Variants in RAI1 observed in about 807,000 individuals in gnomAD.
RAI1 encodes the protein retinoic acid induced 1.
Under a neutral mutation model 123.8 loss-of-function variants are expected in RAI1, and 9 were observed. The ratio of observed to expected loss-of-function variants is 0.07; its 90% CI spans 0.04 to 0.13. RAI1 has a LOEUF of 0.13. Ranked by LOEUF, RAI1 falls within the 10% of genes least tolerant of loss-of-function variation. The pLI is 1.00. For missense variants in RAI1, 2,256 were observed against 2,545.8 expected (o/e 0.89, Z 2.45); for synonymous variants, 1,231 against 1,127.3 (o/e 1.09, Z -1.84).
chr17:17,757,400 A>G (rs1307869304), intron 2 of RAI1, among the ~76,000 whole-genome samples: 1 of 152,072 alleles, frequency 6.6e-6, no homozygotes, highest in Non-Finnish European at 1.5e-5. Context: ...GAGGGCAGCA[A>G]CCCTTCTACA....
chr17:17,760,787 G>A (rs1303607646), intron 2 of RAI1, among the ~76,000 whole-genome samples: 3 of 152,102 alleles, frequency 2.0e-5, no homozygotes, highest in African/African-American at 7.2e-5. Flanking sequence ...CTCCTGCTTG[G>A]TCCTAGCTGC....
At chr17:17,789,231 C>T (rs1387723413) in intron 2 of RAI1, among the ~76,000 whole-genome samples, 1 of 152,266 alleles carries the variant, frequency 6.6e-6, no homozygotes, top group Non-Finnish European at 1.5e-5. Context: ...TGCATAGGAG[C>T]TTCCCTGCGG....
At chr17:17,699,616 A>C in intron 1 of RAI1, among the ~76,000 whole-genome samples, 1 of 87,820 alleles carries the variant, frequency 1.1e-5, no homozygotes. Flanking sequence ...AAGCCCATCC[A>C]TTGTCGGGGG....
intron 2 of RAI1, among the ~76,000 whole-genome samples, chr17:17,747,643 C>T (rs545282752): frequency 6.6e-5 from 10 of 152,160 alleles, no homozygotes; most frequent in South Asian, 4.2e-4. Flanking sequence ...TGGGGAGTGC[C>T]GACTGATTGG....
intron 1 of RAI1, among the ~76,000 whole-genome samples, chr17:17,722,737 C>A (rs781133325): frequency 6.6e-6 from 1 of 152,230 alleles, no homozygotes; most frequent in African/African-American, 2.4e-5. Context: ...TCCCCCAAAC[C>A]CTGTGCTTCT....
chr17:17,685,539 G>A lies in RAI1; in HGVS notation c.-149+3746G>A, dbSNP rs1272585112. ...TTGGAAGCTGGAAGGGATGTGGCCT[G>A]TGTGCTGTAGCCAAACAAGAGGGGA... On this transcript the variant is annotated intron_variant, in intron 1 of 5. Transcript: ENST00000353383. The surrounding 1 kb of genome is among the most constrained non-coding windows in gnomAD (Gnocchi z 4.0). 6.6e-6 allele frequency among the ~76,000 whole-genome samples: 1 copy of A among 152,230 alleles called. No homozygotes were observed. Among genetic ancestry groups the A allele is most frequent in the Non-Finnish European group, 1.5e-5 (1 of 68,038 alleles).
intron 2 of RAI1, chr17:17,777,089 C>G (rs2031373041): frequency 6.6e-6 from 1 of 152,160 alleles, no homozygotes; most frequent in African/African-American, 2.4e-5. Context: ...TCCCTCATCC[C>G]CCTTGGATGG....
intron 2 of RAI1, among the ~76,000 whole-genome samples, chr17:17,774,254 T>C (rs1328128191): frequency 6.6e-6 from 1 of 152,204 alleles, no homozygotes; most frequent in African/African-American, 2.4e-5. Context: ...TATCCCTATT[T>C]TATGGGTGAG....
At chr17:17,722,658 G>C (rs1915923016) in intron 1 of RAI1, among the ~76,000 whole-genome samples, 1 of 152,200 alleles carries the variant, frequency 6.6e-6, no homozygotes, top group South Asian at 2.1e-4. Flanking sequence ...TCTGTGCTGC[G>C]CCAGAATCAT....
At chr17:17,707,316 T>C (rs1230894474) in intron 1 of RAI1, among the ~76,000 whole-genome samples, 1 of 151,802 alleles carries the variant, frequency 6.6e-6, no homozygotes, top group Non-Finnish European at 1.5e-5. Context: ...AAGATAGATG[T>C]AGTGAGAAAA....
intron 4 of RAI1, among the ~76,000 whole-genome samples, chr17:17,808,727 A>G (rs1487269706): frequency 1.3e-5 from 2 of 152,170 alleles, no homozygotes; most frequent in Admixed American, 6.5e-5. Context: ...GATTACAGAC[A>G]TGAGCCACTG....
chr17:17,712,252 T>C (rs1915588612), intron 1 of RAI1, among the ~76,000 whole-genome samples: 1 of 152,254 alleles, frequency 6.6e-6, no homozygotes, highest in African/African-American at 2.4e-5. Flanking sequence ...GCTGCCATTT[T>C]AGTGGGAGAA....
At chr17:17,713,308 A>C (rs1328602469) in intron 1 of RAI1, among the ~76,000 whole-genome samples, 1 of 152,118 alleles carries the variant, frequency 6.6e-6, no homozygotes, top group Admixed American at 6.6e-5. Context: ...GGAGTTCAAG[A>C]CTAGAGCCTG....
intron 2 of RAI1, among the ~76,000 whole-genome samples, chr17:17,763,051 GAAA>G (rs74581530): frequency 7.0e-6 from 1 of 143,848 alleles, no homozygotes; most frequent in African/African-American, 2.6e-5. Flanking sequence ...GGCTTTTCTG[GAAA>G]AAAAAAAAAA....
At chr17:17,694,976 C>T (rs1290752013) in intron 1 of RAI1, among the ~76,000 whole-genome samples, 1 of 152,156 alleles carries the variant, frequency 6.6e-6, no homozygotes, top group Non-Finnish European at 1.5e-5. Context: ...CTCCCACTCC[C>T]TGGATGTTTG....
At position 17,797,206 on chromosome 17, in the gene RAI1, T is replaced by C. The variant is rs1446366935; in HGVS notation, c.4258T>C (p.Ser1420Pro). 13 of 1,613,666 alleles carry C rather than the reference T, an allele frequency of 8.1e-6. No homozygotes were observed. The African/African-American group carries it at 1.6e-4, about 20-fold the overall frequency. The change falls in exon 3 of 6, where the codon TCT becomes CCT. Residue 1420 changes from serine (S) to proline (P), a missense_variant. Transcript: ENST00000353383. ...ACTCATGAACAGTAAGAAACTGTCT[T>C]CTACTGACTGTTTCAAAACCGAGGC... ...GKLMNSKKLS[S>P]TDCFKTEAFT...
intron 2 of RAI1, among the ~76,000 whole-genome samples, chr17:17,753,020 C>G (rs944076210): frequency 1.1e-4 from 17 of 152,166 alleles, no homozygotes; most frequent in Admixed American, 1.1e-3. Context: ...TGGCCCGGGA[C>G]TTGGGAGGAA....
intron 2 of RAI1, among the ~76,000 whole-genome samples, chr17:17,738,203 A>G (rs1916500003): frequency 7.0e-6 from 1 of 141,866 alleles, no homozygotes; most frequent in South Asian, 2.3e-4. Context: ...TGACAGAGGA[A>G]GGTGAGGGGG....
intron 2 of RAI1, among the ~76,000 whole-genome samples, chr17:17,749,437 T>G (rs1369729192): frequency 6.6e-6 from 1 of 152,250 alleles, no homozygotes; most frequent in Non-Finnish European, 1.5e-5. Context: ...CATCAAGGAA[T>G]GAATGAGCAT....
Sources: gnomAD v4.1 joint callset for allele counts (sites outside exome capture counted in the v4.1 genomes callset) on GRCh38, gnomAD v4.1.1 for gene constraint, Gnocchi (gnomAD v3.1) non-coding constraint, MANE v1.5 for transcripts, NCBI Gene and HGNC (gene_info 2026-07-23, HGNC 2026-07-21) for gene names.